The following JDP2 variants were observed in gnomAD, a reference collection of about 807,000 sequenced individuals.
JDP2 encodes Jun dimerization protein 2.
In JDP2, 9 loss-of-function variants were observed where a neutral mutation model predicts 17.1. The observed-to-expected ratio is 0.53, with a 90% CI of 0.32 to 0.92. The LOEUF is 0.92. JDP2 is among the 40% of genes least tolerant of loss of function. The pLI is 0.04. For synonymous variants in JDP2, 107 were observed against 95.6 expected (o/e 1.12, Z -0.69); for missense variants, 179 against 220.0 (o/e 0.81, Z 1.18).
chr14:75,455,297 G>A (rs117946081), intron 2 of JDP2, among the ~76,000 whole-genome samples: 1 of 152,168 alleles, frequency 6.6e-6, no homozygotes, highest in Admixed American at 6.5e-5. Flanking sequence ...GGAAGTGCTC[G>A]CTGTGGGGAT....
At position 75,460,857 on chromosome 14, in the gene JDP2, A is replaced by G. The variant is rs150414049; in HGVS notation, c.202-569A>G. Among the ~76,000 whole-genome samples the G allele has an allele frequency of 7.6e-3, 1,164 of 152,314 alleles. 55 individuals are homozygous for G. Among genetic ancestry groups the G allele is most frequent in the Admixed American group, 0.07 (1,072 of 15,298 alleles). ...CTGTCTTAGTCCATTTTGTGTTACT[A>G]TCACAGAATACCACCAACTGAGTAA... On this transcript the variant is annotated intron_variant, in intron 2 of 3. Transcript: ENST00000651602.
Position 75,428,410 on chromosome 14 carries a change from C to T in JDP2, c.-24+158C>T, listed in dbSNP as rs1301174011. ...CCGCAGCCCAGGGACCTCGAGCTTT[C>T]CCCGCGCCGGGCGCTGCAGCCGGGC... On this transcript the variant is annotated intron_variant, in intron 1 of 3. Coordinates refer to ENST00000651602, the MANE Select transcript of JDP2 (RefSeq NM_001135048.2). The surrounding 1 kb of genome is among the most constrained non-coding windows in gnomAD (Gnocchi z 5.6). 8.6e-5 allele frequency: 13 copies of T among 151,666 alleles called. No individual in the cohort carries two copies. The East Asian group carries it at 2.5e-3, about 30-fold the overall frequency. 9.4% of individuals were successfully genotyped at this position (151,666 alleles called of 1,614,324 possible).
At chr14:75,458,912 A>T (rs1396656031) in intron 2 of JDP2, among the ~76,000 whole-genome samples, 1 of 152,230 alleles carries the variant, frequency 6.6e-6, no homozygotes, top group Non-Finnish European at 1.5e-5. Context: ...GGAGGGGATG[A>T]ACGTGGCTGG....
chr14:75,457,626 G>A (rs185110335), intron 2 of JDP2, among the ~76,000 whole-genome samples: 24 of 152,390 alleles, frequency 1.6e-4, no homozygotes, highest in South Asian at 8.3e-4. Flanking sequence ...ATGGGTGCAG[G>A]AAAGGCCTGG....
At chr14:75,463,826 C>A (rs1886447108) in intron 3 of JDP2, among the ~76,000 whole-genome samples, 1 of 152,154 alleles carries the variant, frequency 6.6e-6, no homozygotes, top group South Asian at 2.1e-4. Flanking sequence ...CCATTCTGTG[C>A]CTGTTGTCCT....
chr14:75,447,185 C>A (rs140794825), intron 2 of JDP2, among the ~76,000 whole-genome samples: 1 of 152,324 alleles, frequency 6.6e-6, no homozygotes, highest in Admixed American at 6.5e-5. Context: ...GGTGTTCTAA[C>A]CTGTAGCCAT....
rs531925194 is a variant in JDP2 at position 75,473,903 on chromosome 14, G to A, written c.*4428G>A. 2.6e-5 allele frequency: 4 copies of A among 152,380 alleles called. No individual in the cohort carries two copies. The South Asian group carries it at 8.3e-4, about 32-fold the overall frequency. The allele number at this position is 152,380 out of a possible 1,614,324, so 9.4% of individuals were successfully genotyped here. A position where few individuals can be genotyped will look rare whatever the true frequency, so the allele number is the denominator to read the frequency against. ...GGGCCGCGGAGAGGAGGGAACTAGG[G>A]ATGCCACTGCAAGGGTAAGTAGGAC... is the stretch of plus-strand genomic sequence containing the variant. On this transcript the variant is annotated 3_prime_UTR_variant, in exon 4 of 4. Coordinates refer to ENST00000651602, the MANE Select transcript of JDP2 (RefSeq NM_001135048.2).
intron 3 of JDP2, among the ~76,000 whole-genome samples, chr14:75,468,134 C>A (rs116532063): frequency 1.3e-5 from 2 of 152,176 alleles, no homozygotes; most frequent in African/African-American, 4.8e-5. Flanking sequence ...TTGTCACATA[C>A]GCAGTTGCAA....
At chr14:75,458,139 G>C (rs528684721) in intron 2 of JDP2, among the ~76,000 whole-genome samples, 22 of 152,272 alleles carry the variant, frequency 1.4e-4, no homozygotes, top group African/African-American at 5.3e-4. Context: ...CTACAGTGCT[G>C]TAGCAGCACC....
chr14:75,434,578 T>G (rs1193416378), intron 1 of JDP2, among the ~76,000 whole-genome samples: 1 of 152,104 alleles, frequency 6.6e-6, no homozygotes, highest in African/African-American at 2.4e-5. Flanking sequence ...GGCCGCTCCT[T>G]CAGGGGGTTC....
At chr14:75,466,515 A>G (rs1160059402) in intron 3 of JDP2, among the ~76,000 whole-genome samples, 8 of 152,240 alleles carry the variant, frequency 5.3e-5, no homozygotes, top group Non-Finnish European at 2.9e-5. Context: ...ATGTACCCTA[A>G]CATTTAAAAC....
At chr14:75,437,726 A>G (rs1343401185) in intron 1 of JDP2, among the ~76,000 whole-genome samples, 172 bp from the exon 2 acceptor site, 2 of 152,262 alleles carry the variant, frequency 1.3e-5, no homozygotes, top group Non-Finnish European at 2.9e-5. Context: ...TTAATTGAGC[A>G]ACTTTTCCTC....
intron 3 of JDP2, among the ~76,000 whole-genome samples, chr14:75,463,522 C>T (rs915294067): frequency 6.6e-6 from 1 of 152,058 alleles, no homozygotes; most frequent in African/African-American, 2.4e-5. Context: ...GTTGGGCAAG[C>T]CTAGCCAGCT....
chr14:75,429,895 A>T lies in JDP2; in HGVS notation c.-24+1643A>T, dbSNP rs28687705. On this transcript the variant is annotated intron_variant, in intron 1 of 3. Transcript: ENST00000651602. ...GTGATTTGAAGGGCTGCAGGAAGTC[A>T]TGGGTGTGTAGACCTCTGGCTTTTC... Among the ~76,000 whole-genome samples, 262 of 152,222 alleles carry T rather than the reference A, an allele frequency of 1.7e-3. 1 individual carries two copies. Among genetic ancestry groups the T allele is most frequent in the African/African-American group, 6.1e-3 (255 of 41,534 alleles).
intron 2 of JDP2, among the ~76,000 whole-genome samples, chr14:75,447,509 C>T (rs1004395145): frequency 3.3e-5 from 5 of 152,156 alleles, no homozygotes; most frequent in Admixed American, 1.3e-4. Flanking sequence ...AGACCTAACA[C>T]CTTGGAGAGC....
intron 2 of JDP2, among the ~76,000 whole-genome samples, chr14:75,448,871 C>A (rs1036433627): frequency 1.3e-5 from 2 of 152,196 alleles, no homozygotes; most frequent in African/African-American, 2.4e-5. Context: ...CAATGGGGAG[C>A]TCTGTGTCCC....
rs112846649 is a variant in JDP2, at chr14:75,469,288, A to G, written c.307-2A>G. 1 of 1,613,322 alleles carries G rather than the reference A, an allele frequency of 6.2e-7. No individual in the cohort carries two copies. Among genetic ancestry groups the G allele is most frequent in the Non-Finnish European group, 8.5e-7 (1 of 1,179,542 alleles). The stretch of plus-strand genomic sequence containing the variant: ...ACAGCGTGCTTCTGTGTTGGTATAC[A>G]GGAATCCGAGCGGCTGGAACTCATG... On this transcript the variant is annotated splice_acceptor_variant, in intron 3 of 3. Transcript: ENST00000651602. LOFTEE classifies it high-confidence loss of function.
At chr14:75,468,903 CT>C (rs983283502) in intron 3 of JDP2, among the ~76,000 whole-genome samples, 2 of 152,240 alleles carry the variant, frequency 1.3e-5, no homozygotes, top group African/African-American at 4.8e-5. Context: ...CTCCGTAGAC[CT>C]GCTCTAGGTC....
Position 75,440,893 on chromosome 14 carries a change from G to A in JDP2, c.201+2772G>A, listed in dbSNP as rs1885313812. ...GTCAACAAGGCTGAGGGAGGTCCAA[G>A]GTCACTGGCTGGGAAATGAGCTCAG... On this transcript the variant is annotated intron_variant, in intron 2 of 3. Coordinates refer to ENST00000651602, the MANE Select transcript of JDP2 (RefSeq NM_001135048.2). 2.0e-5 allele frequency among the ~76,000 whole-genome samples: 3 copies of A among 152,222 alleles called. No homozygotes were observed. The South Asian group carries it at 6.2e-4, about 31-fold the overall frequency.
Sources: allele counts gnomAD v4.1 joint callset (sites outside exome capture counted in the v4.1 genomes callset), GRCh38; gene constraint gnomAD v4.1.1; non-coding constraint Gnocchi (gnomAD v3.1); transcripts MANE v1.5; gene names NCBI Gene and HGNC (gene_info 2026-07-23, HGNC 2026-07-21).